Variants in UNC79 observed in about 807,000 individuals in gnomAD.
UNC79 encodes the protein unc-79 subunit of NALCN channel complex, also known as protein unc-79 homolog.
Under a neutral mutation model 283.1 loss-of-function variants are expected in UNC79, and 37 were observed. That is an observed-to-expected ratio of 0.13 (90% CI 0.10 to 0.17). UNC79 has a LOEUF of 0.17. UNC79 is among the 10% of genes least tolerant of loss of function. The probability of loss-of-function intolerance (pLI) is 1.00; values close to 1 mark genes in which losing one functional copy is unlikely to be tolerated. For missense variants in UNC79, 2,272 were observed against 3,211.1 expected (o/e 0.71, Z 7.07); for synonymous variants, 1,107 against 1,200.2 (o/e 0.92, Z 1.61).
chr14:93,686,431 AC>A, intron 42 of UNC79, 140 bp from the exon 46 acceptor site: 1 of 850,408 alleles, frequency 1.2e-6, no homozygotes, highest in Admixed American at 2.3e-5. Context: ...ACAGTCACAG[AC>A]CAAGCTGAGA....
At chr14:93,612,260 G>A (rs889394712) in intron 26 of UNC79, among the ~76,000 whole-genome samples, 3 of 152,140 alleles carry the variant, frequency 2.0e-5, no homozygotes, top group Non-Finnish European at 4.4e-5. Context: ...AGTGCCTATT[G>A]CTAATATCTC....
chr14:93,569,339 A>T (rs1422545049), intron 14 of UNC79, among the ~76,000 whole-genome samples: 1 of 152,168 alleles, frequency 6.6e-6, no homozygotes, highest in African/African-American at 2.4e-5. Flanking sequence ...CGGGAGGCTG[A>T]GGCAGGATAA....
chr14:93,700,851 A>G (rs932002789), intron 47 of UNC79, among the ~76,000 whole-genome samples: 1 of 152,180 alleles, frequency 6.6e-6, no homozygotes, highest in African/African-American at 2.4e-5. Context: ...AACACAAAAT[A>G]TTCTTGGCCC....
At chr14:93,453,825 T>C (rs2056718471) in intron 1 of UNC79, among the ~76,000 whole-genome samples, 1 of 152,224 alleles carries the variant, frequency 6.6e-6, no homozygotes, top group Non-Finnish European at 1.5e-5. Flanking sequence ...GAAAATTCAC[T>C]GCCTGTATTA....
At chr14:93,538,069 T>C (rs1171275672) in exon 12 of UNC79, 1 of 1,614,064 alleles carries the variant, frequency 6.2e-7, no homozygotes, top group Non-Finnish European at 8.5e-7. Flanking sequence ...ACAGGCCTGT[T>C]CGGTACTGCA....
intron 1 of UNC79, among the ~76,000 whole-genome samples, chr14:93,359,690 A>T (rs1468269807): frequency 6.6e-6 from 1 of 152,196 alleles, no homozygotes; most frequent in South Asian, 2.1e-4. Flanking sequence ...TATAAGCAGA[A>T]AACTTCCAGG....
chr14:93,424,377 G>A (rs2055677338), intron 1 of UNC79, among the ~76,000 whole-genome samples: 1 of 152,006 alleles, frequency 6.6e-6, no homozygotes, highest in Non-Finnish European at 1.5e-5. Context: ...CCAAAGTAAT[G>A]GAAAGCATTA....
chr14:93,434,265 T>C (rs1281841514), intron 1 of UNC79, among the ~76,000 whole-genome samples: 1 of 152,132 alleles, frequency 6.6e-6, no homozygotes. Flanking sequence ...CAGCTAGTTT[T>C]TGGAGCCTTT....
At chr14:93,457,859 G>T (rs1301902005) in intron 1 of UNC79, among the ~76,000 whole-genome samples, 1 of 152,148 alleles carries the variant, frequency 6.6e-6, no homozygotes, top group Non-Finnish European at 1.5e-5. Context: ...TTTCTAGACA[G>T]AACCAATAGG....
intron 24 of UNC79, 36 bp downstream of exon 24, chr14:93,597,576 G>A (rs2065162720): frequency 6.3e-7 from 1 of 1,589,218 alleles, no homozygotes; most frequent in African/African-American, 1.3e-5. Flanking sequence ...TCCGAAGGTG[G>A]TTTGTGTCAG....
chr14:93,621,925 C>T lies in UNC79; in HGVS notation c.4692C>T (p.Asn1564=), dbSNP rs1289646497. Residue 1564 remains asparagine, a synonymous_variant, in exon 30 of 49, where the codon AAC becomes AAT. Transcript: ENST00000555664. The surrounding 1 kb of genome is among the most constrained non-coding windows in gnomAD (Gnocchi z 4.8). The stretch of plus-strand genomic sequence containing the variant: ...CTGACAATAGTGAAATCCCCGAGAA[C>T]CCAGCTATGGAAGGGTTTCCAGATG... The T allele has an allele frequency of 3.1e-6, 5 of 1,613,900 alleles. No homozygotes were observed. The African/African-American group carries it at 4.0e-5, about 13-fold the overall frequency.
In UNC79 at chr14:93,418,932, T is replaced by TAA. The variant is rs542100331; in HGVS notation, c.-350-48739_-350-48738insAA. Reference sequence around the variant, plus strand: ...TTTCCAGGTGCCATCTGTCACCTCTTTCTTTGACTAGGAAAGGGAACTCCC... The same window carrying TAA: ...TTTCCAGGTGCCATCTGTCACCTCTTAATCTTTGACTAGGAAAGGGAACTCCC... On this transcript the variant is annotated intron_variant, in intron 1 of 49. Transcript: ENST00000256339. Among the ~76,000 whole-genome samples, 320 of 151,936 alleles carry TAA rather than the reference T, an allele frequency of 2.1e-3. 2 individuals carry two copies. Among genetic ancestry groups the TAA allele is most frequent in the African/African-American group, 7.3e-3 (304 of 41,538 alleles).
intron 1 of UNC79, among the ~76,000 whole-genome samples, chr14:93,419,150 T>C (rs2174239): frequency 0.88 from 132,677 of 150,310 alleles, 59,106 homozygotes; most frequent in African/African-American, 0.96. Context: ...TGTTCCTATT[T>C]GGCCATCTTG....
intron 1 of UNC79, among the ~76,000 whole-genome samples, chr14:93,453,398 G>A (rs1236271463): frequency 1.3e-5 from 2 of 152,166 alleles, no homozygotes; most frequent in Non-Finnish European, 2.9e-5. Context: ...TAATTCCTCA[G>A]TTCTTCAAAA....
chr14:93,554,564 A>G (rs541470941), intron 14 of UNC79, among the ~76,000 whole-genome samples: 5 of 152,302 alleles, frequency 3.3e-5, no homozygotes, highest in African/African-American at 9.6e-5. Flanking sequence ...TTAAGAGCAG[A>G]TAAATGCTCC....
intron 26 of UNC79, among the ~76,000 whole-genome samples, chr14:93,605,322 C>T (rs2139637084): frequency 6.6e-6 from 1 of 152,266 alleles, no homozygotes; most frequent in Admixed American, 6.5e-5. Flanking sequence ...GAAAACCATA[C>T]ATTTCATTTA....
At chr14:93,556,237 C>A (rs1184272635) in intron 14 of UNC79, among the ~76,000 whole-genome samples, 7 of 152,122 alleles carry the variant, frequency 4.6e-5, no homozygotes, top group African/African-American at 7.2e-5. Flanking sequence ...CCATTTCATA[C>A]CTTCTAGTTG....
intron 7 of UNC79, among the ~76,000 whole-genome samples, chr14:93,507,445 T>C (rs1032787740): frequency 2.6e-5 from 4 of 152,212 alleles, no homozygotes; most frequent in African/African-American, 9.6e-5. Flanking sequence ...ATCTTGTGGC[T>C]TTAATTTAAA....
chr14:93,393,176 C>T (rs1416245621), intron 1 of UNC79, among the ~76,000 whole-genome samples: 3 of 152,094 alleles, frequency 2.0e-5, no homozygotes, highest in Non-Finnish European at 4.4e-5. Flanking sequence ...ATAAACTGAC[C>T]CACTTACACA....
Sources: allele counts gnomAD v4.1 joint callset (sites outside exome capture counted in the v4.1 genomes callset), GRCh38; gene constraint gnomAD v4.1.1; non-coding constraint Gnocchi (gnomAD v3.1); transcripts MANE v1.5; gene names NCBI Gene and HGNC (gene_info 2026-07-23, HGNC 2026-07-21).